Variants in DZIP3 observed in about 807,000 individuals in gnomAD.
The protein encoded by DZIP3 is E3 ubiquitin-protein ligase DZIP3.
A neutral mutation model predicts 162.0 loss-of-function variants in DZIP3; 118 were observed. That is an observed-to-expected ratio of 0.73 (90% CI 0.63 to 0.85). The LOEUF is 0.85. DZIP3 is among the 40% of genes least tolerant of loss of function. DZIP3 has a pLI of 0.00. For missense variants in DZIP3, 1,331 were observed against 1,407.0 expected, an observed-to-expected ratio of 0.95 and a Z score of 0.86; for synonymous variants, 438 against 458.6, an observed-to-expected ratio of 0.96 and a Z score of 0.57.
At chr3:108,607,953 C>G in intron 2 of DZIP3, 136 bp from the exon 3 acceptor site, 1 of 722,660 alleles carries the variant, frequency 1.4e-6, no homozygotes, top group Non-Finnish European at 2.4e-6. Context: ...GATATGGCAC[C>G]TACCACCATT....
At chr3:108,668,146 T>C (rs560082379) in intron 21 of DZIP3, among the ~76,000 whole-genome samples, 1 of 152,208 alleles carries the variant, frequency 6.6e-6, no homozygotes, top group Non-Finnish European at 1.5e-5. Context: ...GTTTGGCAAA[T>C]ATTTGTTGAT....
chr3:108,672,557 C>G lies in DZIP3; in HGVS notation c.2493-3C>G. On this transcript the variant is annotated splice_region_variant and splice_polypyrimidine_tract_variant and intron_variant, in intron 22 of 32. Transcript: ENST00000361582. ...GCGAGTCTTTAATGATCATGTATTT[C>G]AGATCTCAGTGGGAAATGGAAAAAC... is the stretch of plus-strand genomic sequence containing the variant. The G allele has an allele frequency of 6.2e-7, 1 of 1,609,996 alleles. No homozygotes were observed. The highest frequency in any genetic ancestry group is 8.5e-7 in the Non-Finnish European group (1 of 1,177,208).
intron 26 of DZIP3, among the ~76,000 whole-genome samples, chr3:108,681,736 A>ATAGTCCAGTCT (rs1559783248): frequency 9.0e-5 from 13 of 144,218 alleles, no homozygotes; most frequent in African/African-American, 3.5e-4. Flanking sequence ...TACACCATGG[A>ATAGTCCAGTCT]ATACTCTGCC....
chr3:108,652,042 A>AGTTTTGTTTT (rs149146371), intron 18 of DZIP3, among the ~76,000 whole-genome samples: 2 of 151,502 alleles, frequency 1.3e-5, no homozygotes, highest in Admixed American at 1.3e-4. Context: ...CTGGAGCAAT[A>AGTTTTGTTTT]GTTTTGTTTT....
chr3:108,610,535 A>G (rs888706693), intron 3 of DZIP3, among the ~76,000 whole-genome samples: 9 of 152,210 alleles, frequency 5.9e-5, no homozygotes, highest in South Asian at 2.1e-4. Context: ...GGCTTCTGCA[A>G]TAAGAAGTTC....
chr3:108,592,914 G>A (rs1441301902), intron 1 of DZIP3, among the ~76,000 whole-genome samples: 3 of 151,894 alleles, frequency 2.0e-5, no homozygotes, highest in Non-Finnish European at 4.4e-5. Flanking sequence ...TTACATTATT[G>A]CATTAGTGTA....
At chr3:108,683,446 T>G (rs1293804723) in intron 26 of DZIP3, among the ~76,000 whole-genome samples, 1 of 152,180 alleles carries the variant, frequency 6.6e-6, no homozygotes, top group African/African-American at 2.4e-5. Flanking sequence ...TCCTCATTTT[T>G]TAAGTTCAGT....
intron 19 of DZIP3, among the ~76,000 whole-genome samples, chr3:108,658,327 T>A (rs1012541850): frequency 1.4e-4 from 21 of 152,114 alleles, no homozygotes; most frequent in Non-Finnish European, 7.4e-5. Flanking sequence ...GAACTCAAGA[T>A]TAAGAAACTC....
At chr3:108,592,190 T>C (rs533163942) in intron 1 of DZIP3, among the ~76,000 whole-genome samples, 1 of 152,202 alleles carries the variant, frequency 6.6e-6, no homozygotes, top group South Asian at 2.1e-4. Context: ...ACACTAATTT[T>C]CTGGAACCTT....
intron 25 of DZIP3, among the ~76,000 whole-genome samples, chr3:108,676,573 AT>A (rs1456925452): frequency 6.6e-6 from 1 of 151,950 alleles, no homozygotes; most frequent in Non-Finnish European, 1.5e-5. Flanking sequence ...AGGTTGATAG[AT>A]AATGTTGATT....
intron 8 of DZIP3, among the ~76,000 whole-genome samples, chr3:108,631,037 A>ACTCTCT: frequency 1.1e-5 from 1 of 95,010 alleles, no homozygotes; most frequent in Admixed American, 1.2e-4. Flanking sequence ...ACACACACAC[A>ACTCTCT]CACACACACA....
At chr3:108,653,738 T>C (rs76490917) in intron 18 of DZIP3, among the ~76,000 whole-genome samples, 1,969 of 151,882 alleles carry the variant, frequency 0.013, 41 homozygotes, top group African/African-American at 0.045. Flanking sequence ...ACCAACCTAC[T>C]TGTCAAGAAA....
At chr3:108,633,120 T>C (rs766201045) in intron 9 of DZIP3, 48 bp downstream of exon 9, 2 of 1,003,476 alleles carry the variant, frequency 2.0e-6, no homozygotes, top group South Asian at 3.3e-5. Context: ...AATTGAAAAA[T>C]TATATATAAC....
At chr3:108,597,395 C>A (rs1939767381) in intron 1 of DZIP3, among the ~76,000 whole-genome samples, 1 of 151,414 alleles carries the variant, frequency 6.6e-6, no homozygotes, top group African/African-American at 2.4e-5. Context: ...AGAATGTTGC[C>A]TTGCCTTTTT....
At chr3:108,671,855 A>C (rs1049609652) in intron 22 of DZIP3, among the ~76,000 whole-genome samples, 7 of 151,844 alleles carry the variant, frequency 4.6e-5, no homozygotes, top group African/African-American at 1.7e-4. Context: ...CATTTTCCTC[A>C]TTTTTACATG....
chr3:108,670,924 A>T (rs1225383897), intron 22 of DZIP3, among the ~76,000 whole-genome samples: 1 of 151,826 alleles, frequency 6.6e-6, no homozygotes, highest in African/African-American at 2.4e-5. Context: ...CCAGTTATTT[A>T]TCTTCTTGGA....
At position 108,694,334 on chromosome 3, in the gene DZIP3, T is replaced by C. The variant is rs942742893; in HGVS notation, c.*981T>C. ...GTCTTAGAATTGCACAATTTAGAAT[T>C]TATAGAGCCTTTAATCACCTTGTCT... is the stretch of plus-strand genomic sequence containing the variant. On this transcript the variant is annotated 3_prime_UTR_variant, in exon 33 of 33. Coordinates refer to ENST00000361582, the MANE Select transcript of DZIP3 (RefSeq NM_014648.4). 11 of 152,148 alleles carry C rather than the reference T, an allele frequency of 7.2e-5. No individual in the cohort carries two copies. Among genetic ancestry groups the C allele is most frequent in the Non-Finnish European group, 1.6e-4 (11 of 68,042 alleles). The allele number at this position is 152,148 out of a possible 1,614,324, so 9.4% of individuals were successfully genotyped here.
intron 19 of DZIP3, among the ~76,000 whole-genome samples, chr3:108,654,858 T>A (rs1359382005): frequency 6.6e-6 from 1 of 152,150 alleles, no homozygotes; most frequent in Non-Finnish European, 1.5e-5. Flanking sequence ...AATAATTTTT[T>A]AAAAAACTAT....
intron 18 of DZIP3, among the ~76,000 whole-genome samples, chr3:108,652,086 A>C (rs1175064063): frequency 6.6e-6 from 1 of 151,796 alleles, no homozygotes; most frequent in Admixed American, 6.6e-5. Flanking sequence ...AATGCCATAA[A>C]TATAGCGTAA....
Sources: gnomAD v4.1 joint callset for allele counts (sites outside exome capture counted in the v4.1 genomes callset) on GRCh38, gnomAD v4.1.1 for gene constraint, MANE v1.5 for transcripts, NCBI Gene and HGNC (gene_info 2026-07-23, HGNC 2026-07-21) for gene names.